The following RAB7A variants were observed in gnomAD, a reference collection of about 807,000 sequenced individuals.
The protein encoded by RAB7A is ras-related protein Rab-7a.
RAB7A carries 2 observed loss-of-function variants against 24.5 expected under a neutral mutation model. The observed-to-expected ratio is 0.08, with a 90% CI of 0.03 to 0.26. The LOEUF is 0.26. Ranked by LOEUF, RAB7A falls within the 10% of genes least tolerant of loss-of-function variation. The pLI, the probability that RAB7A is intolerant of heterozygous loss-of-function variation, is 1.00. For missense variants in RAB7A, 118 were observed against 255.7 expected, an observed-to-expected ratio of 0.46 and a Z score of 3.67; for synonymous variants, 100 against 95.9, an observed-to-expected ratio of 1.04 and a Z score of -0.25.
At chr3:128,732,288 T>G (rs750089288) in intron 1 of RAB7A, among the ~76,000 whole-genome samples, 11 of 151,930 alleles carry the variant, frequency 7.2e-5, no homozygotes, top group Non-Finnish European at 1.6e-4. Flanking sequence ...TCCGCCCGCC[T>G]TGGCCTCCCA....
At chr3:128,778,827 G>A (rs1933151276) in intron 1 of RAB7A, among the ~76,000 whole-genome samples, 1 of 152,172 alleles carries the variant, frequency 6.6e-6, no homozygotes, top group Non-Finnish European at 1.5e-5. Flanking sequence ...AACCAGAGAT[G>A]TACAGTTTTG....
At chr3:128,769,154 A>G in intron 1 of RAB7A, among the ~76,000 whole-genome samples, 1 of 150,838 alleles carries the variant, frequency 6.6e-6, no homozygotes, top group Non-Finnish European at 1.5e-5. Flanking sequence ...TCTGCTTCCC[A>G]GAGTGCTGGG....
At chr3:128,780,952 G>T (rs1003119697) in intron 1 of RAB7A, among the ~76,000 whole-genome samples, 19 of 152,166 alleles carry the variant, frequency 1.2e-4, no homozygotes, top group African/African-American at 4.6e-4. Flanking sequence ...GGCCAATTAG[G>T]ACTTCACAAA....
At chr3:128,793,590 A>G (rs895057925) in intron 1 of RAB7A, among the ~76,000 whole-genome samples, 2 of 152,130 alleles carry the variant, frequency 1.3e-5, no homozygotes, top group South Asian at 2.1e-4. Flanking sequence ...TCTGATCTCT[A>G]TCTTGAAATA....
intron 2 of RAB7A, among the ~76,000 whole-genome samples, chr3:128,795,750 G>GTTTTTTTTTTTTTTTTTTTTTT (rs1491091651): frequency 7.3e-4 from 5 of 6,876 alleles, no homozygotes; most frequent in Non-Finnish European, 1.7e-3. Context: ...TAGCAGATGT[G>GTTTTTTTTTTTTTTTTTTTTTT]CTTTTTTTTT....
chr3:128,798,512 G>A (rs1322360030), intron 3 of RAB7A: 1 of 183,812 alleles, frequency 5.4e-6, no homozygotes, highest in Non-Finnish European at 1.2e-5. Context: ...AGAGTTGTGT[G>A]TCTATTGAGC....
rs1576303724 is a variant in RAB7A at position 128,806,548 on chromosome 3, A to G, written c.357A>G (p.Pro119=). ...GTCCCCGAGATCCTGAAAACTTCCCATTTGTTGTGTTGGGAAACAAGATTG... is the reference window on the plus strand; with the variant it reads ...GTCCCCGAGATCCTGAAAACTTCCCGTTTGTTGTGTTGGGAAACAAGATTG... ...QASPRDPENF[P]FVVLGNKIDL... Residue 119 remains proline, a synonymous_variant, in exon 4 of 6, where the codon CCA becomes CCG. Coordinates refer to ENST00000265062, the MANE Select transcript of RAB7A (RefSeq NM_004637.6). 1.9e-6 allele frequency: 3 copies of G among 1,614,120 alleles called. No individual in the cohort carries two copies. The highest frequency in any genetic ancestry group is 2.5e-6 in the Non-Finnish European group (3 of 1,180,012).
At chr3:128,773,880 C>T (rs893445326) in intron 1 of RAB7A, among the ~76,000 whole-genome samples, 3 of 151,790 alleles carry the variant, frequency 2.0e-5, no homozygotes, top group Admixed American at 6.6e-5. Flanking sequence ...TGCTTGAAGG[C>T]AGCATGCTCC....
intron 1 of RAB7A, among the ~76,000 whole-genome samples, chr3:128,743,003 C>A (rs1048720473): frequency 6.6e-6 from 1 of 152,188 alleles, no homozygotes; most frequent in Non-Finnish European, 1.5e-5. Flanking sequence ...GAGGCTCGGG[C>A]TTCACGGGAG....
At chr3:128,770,375 C>T (rs1305189992) in intron 1 of RAB7A, among the ~76,000 whole-genome samples, 2 of 152,206 alleles carry the variant, frequency 1.3e-5, no homozygotes, top group African/African-American at 4.8e-5. Context: ...GATCTAGTCT[C>T]TTGAGGCCTA....
intron 2 of RAB7A, among the ~76,000 whole-genome samples, chr3:128,795,806 C>T (rs2107611222): frequency 8.2e-6 from 1 of 122,106 alleles, no homozygotes; most frequent in South Asian, 3.0e-4. Flanking sequence ...GGCTGGAGTG[C>T]AGTGGCGCGA....
intron 1 of RAB7A, among the ~76,000 whole-genome samples, chr3:128,747,456 C>A (rs980099178): frequency 6.6e-6 from 1 of 151,428 alleles, no homozygotes; most frequent in African/African-American, 2.4e-5. Flanking sequence ...CATGGTGGCA[C>A]ATGCCTGTAA....
Position 128,807,537 on chromosome 3 carries a change from T to C in RAB7A, c.400-6T>C. ...GAGCCTATGTGCACCCTGCTTCTTC[T>C]TTCAGGTGGCCACAAAGCGGGCACA... is the stretch of plus-strand genomic sequence containing the variant. On this transcript the variant is annotated splice_polypyrimidine_tract_variant and splice_region_variant and intron_variant, in intron 4 of 5. Transcript: ENST00000265062. The C allele has an allele frequency of 6.2e-7, 1 of 1,614,060 alleles. No individual in the cohort carries two copies. Among genetic ancestry groups the C allele is most frequent in the Non-Finnish European group, 8.5e-7 (1 of 1,180,010 alleles).
At chr3:128,734,074 G>C (rs1462462235) in intron 1 of RAB7A, among the ~76,000 whole-genome samples, 1 of 152,064 alleles carries the variant, frequency 6.6e-6, no homozygotes, top group Non-Finnish European at 1.5e-5. Flanking sequence ...GGTTATCCTG[G>C]AGTAAAACGT....
At chr3:128,779,942 C>T (rs942228554) in intron 1 of RAB7A, among the ~76,000 whole-genome samples, 1 of 152,042 alleles carries the variant, frequency 6.6e-6, no homozygotes, top group Non-Finnish European at 1.5e-5. Context: ...GAGTTTGGGG[C>T]TGGGATTTCT....
At chr3:128,726,440 C>T (rs1395557252) in intron 1 of RAB7A, 81 bp downstream of exon 1, 2 of 152,484 alleles carry the variant, frequency 1.3e-5, no homozygotes, top group African/African-American at 4.8e-5. Context: ...CTCGCGTCCT[C>T]CCTGTCCTCC....
chr3:128,795,751 C>CTTTTTTTTTTTTTT (rs71153147), intron 2 of RAB7A, among the ~76,000 whole-genome samples: 482 of 42,994 alleles, frequency 0.011, 167 homozygotes, highest in South Asian at 0.039. Flanking sequence ...AGCAGATGTG[C>CTTTTTTTTTTTTTT]TTTTTTTTTT....
chr3:128,734,259 G>T (rs933333178), intron 1 of RAB7A, among the ~76,000 whole-genome samples: 1 of 152,000 alleles, frequency 6.6e-6, no homozygotes, highest in East Asian at 1.9e-4. Context: ...GCGAAACCCT[G>T]TGTCTACTGA....
chr3:128,749,515 GGT>G (rs2070654364), intron 1 of RAB7A: 1 of 152,140 alleles, frequency 6.6e-6, no homozygotes, highest in Non-Finnish European at 1.5e-5. Context: ...CACCAGACAA[GGT>G]GAGACCCTGC....
Sources: gnomAD v4.1 joint callset for allele counts (sites outside exome capture counted in the v4.1 genomes callset) on GRCh38, gnomAD v4.1.1 for gene constraint, MANE v1.5 for transcripts, NCBI Gene and HGNC (gene_info 2026-07-23, HGNC 2026-07-21) for gene names.